The following B3GALT1 variants were observed in gnomAD, a reference collection of about 807,000 sequenced individuals.
The protein encoded by B3GALT1 is UDP-Gal:betaGlcNAc beta 1,3-galactosyltransferase, polypeptide 1.
Under a neutral mutation model 23.2 loss-of-function variants are expected in B3GALT1, and 10 were observed. That is an observed-to-expected ratio of 0.43 (90% CI 0.27 to 0.73). B3GALT1 has a LOEUF of 0.73. Among genes scored for constraint, B3GALT1 ranks in the 30% least tolerant of loss-of-function variants. The pLI is 0.21. For missense variants in B3GALT1, 299 were observed against 405.4 expected (o/e 0.74, Z 2.25); for synonymous variants, 156 against 141.5 (o/e 1.10, Z -0.73).
intron 2 of B3GALT1, among the ~76,000 whole-genome samples, chr2:167,583,182 C>G (rs1019350809): frequency 3.9e-5 from 6 of 152,216 alleles, no homozygotes; most frequent in Non-Finnish European, 8.8e-5. Flanking sequence ...GTCAGACATT[C>G]TACCACCCTA....
At chr2:167,700,349 T>TA (rs1686859546) in intron 3 of B3GALT1, among the ~76,000 whole-genome samples, 1 of 152,218 alleles carries the variant, frequency 6.6e-6, no homozygotes, top group South Asian at 2.1e-4. Flanking sequence ...CTTGATCTGT[T>TA]AGAGTTTTTT....
At chr2:167,490,728 GTGC>G (rs1340327126) in intron 2 of B3GALT1, among the ~76,000 whole-genome samples, 1 of 152,222 alleles carries the variant, frequency 6.6e-6, no homozygotes, top group Non-Finnish European at 1.5e-5. Context: ...TTGGGGAGCT[GTGC>G]TGCTGAGCAA....
intron 1 of B3GALT1, among the ~76,000 whole-genome samples, chr2:167,451,142 C>G (rs1319671668): frequency 6.6e-6 from 1 of 152,058 alleles, no homozygotes; most frequent in Non-Finnish European, 1.5e-5. Context: ...TCACCTTTCT[C>G]TGATCCCTCC....
intron 1 of B3GALT1, among the ~76,000 whole-genome samples, chr2:167,433,775 A>G (rs1408156610): frequency 6.6e-6 from 1 of 152,214 alleles, no homozygotes; most frequent in Non-Finnish European, 1.5e-5. Flanking sequence ...TAAAACACGT[A>G]ATAGGCCAGG....
intron 1 of B3GALT1, among the ~76,000 whole-genome samples, chr2:167,377,142 G>A (rs1697778260): frequency 6.6e-6 from 1 of 152,058 alleles, no homozygotes; most frequent in Admixed American, 6.6e-5. Flanking sequence ...GTAATTTTGT[G>A]GTTTTGAGAT....
At chr2:167,527,042 C>T (rs1683231701) in intron 2 of B3GALT1, among the ~76,000 whole-genome samples, 1 of 152,034 alleles carries the variant, frequency 6.6e-6, no homozygotes, top group African/African-American at 2.4e-5. Context: ...TAATATATTT[C>T]CTTAATATCT....
At chr2:167,430,124 G>A (rs1698686236) in intron 1 of B3GALT1, among the ~76,000 whole-genome samples, 1 of 152,188 alleles carries the variant, frequency 6.6e-6, no homozygotes, top group Admixed American at 6.5e-5. Flanking sequence ...AGTGGTCTCA[G>A]TTTTAAGTAA....
intron 1 of B3GALT1, among the ~76,000 whole-genome samples, chr2:167,435,326 T>C (rs1698765344): frequency 6.6e-6 from 1 of 150,976 alleles, no homozygotes; most frequent in Admixed American, 6.6e-5. Flanking sequence ...AACAGTCAAT[T>C]TTCTGTTCTA....
At chr2:167,576,842 C>G (rs1200817920) in intron 2 of B3GALT1, among the ~76,000 whole-genome samples, 2 of 151,884 alleles carry the variant, frequency 1.3e-5, no homozygotes, top group African/African-American at 4.8e-5. Flanking sequence ...TCACCACATT[C>G]ACCCTGCCTT....
intron 2 of B3GALT1, among the ~76,000 whole-genome samples, chr2:167,546,170 C>T (rs943239230): frequency 6.6e-6 from 1 of 152,138 alleles, no homozygotes; most frequent in South Asian, 2.1e-4. Context: ...ATAAAGAGGG[C>T]ACAGCAGAGG....
intron 4 of B3GALT1, among the ~76,000 whole-genome samples, chr2:167,866,987 C>T (rs62195017): frequency 1.9e-4 from 29 of 151,822 alleles, no homozygotes; most frequent in Non-Finnish European, 3.1e-4. Context: ...AGTGCAGTGG[C>T]GCAATCTCAG....
In B3GALT1 at chr2:167,871,125, T is replaced by G. The variant is rs756858881; in HGVS notation, c.*1105T>G. The G allele has an allele frequency of 5.9e-5, 9 of 152,168 alleles. No homozygotes were observed. Among genetic ancestry groups the G allele is most frequent in the African/African-American group, 7.2e-5 (3 of 41,420 alleles). 9.4% of individuals were successfully genotyped at this position (152,168 alleles called of 1,614,324 possible). ...TGAGGTATTCTGGGGGCTCTGTGATTGAGGAAGGATGGGGAAGGCCAGGTT... is the reference window on the plus strand; with the variant it reads ...TGAGGTATTCTGGGGGCTCTGTGATGGAGGAAGGATGGGGAAGGCCAGGTT... On this transcript the variant is annotated 3_prime_UTR_variant, in exon 5 of 5. Transcript: ENST00000392690.
rs2615316 is a variant in B3GALT1 at position 167,867,218 on chromosome 2, G to A, written c.-229-1593G>A. On this transcript the variant is annotated intron_variant, in intron 4 of 4. Coordinates refer to ENST00000392690, the MANE Select transcript of B3GALT1 (RefSeq NM_020981.4). Reference sequence around the variant, plus strand: ...TGGGATTACAGGCGTGAGCCACCGCGCCCGGCCGAGAAGCTCTTTTTTTCT... The same window carrying A: ...TGGGATTACAGGCGTGAGCCACCGCACCCGGCCGAGAAGCTCTTTTTTTCT... Among the ~76,000 whole-genome samples the A allele has an allele frequency of 6.7e-3, 1,018 of 152,240 alleles. 18 individuals carry two copies. The highest frequency in any genetic ancestry group is 0.063 in the East Asian group (325 of 5,178).
chr2:167,793,446 TA>T (rs1688481405), intron 3 of B3GALT1, among the ~76,000 whole-genome samples: 1 of 152,080 alleles, frequency 6.6e-6, no homozygotes, highest in Non-Finnish European at 1.5e-5. Flanking sequence ...AGGGTACAGA[TA>T]GGAACAAAAT....
chr2:167,407,630 A>G (rs1366432783), intron 1 of B3GALT1, among the ~76,000 whole-genome samples: 1 of 152,114 alleles, frequency 6.6e-6, no homozygotes, highest in Admixed American at 6.5e-5. Flanking sequence ...CAAATAAATA[A>G]AATCAAAAAT....
chr2:167,629,070 T>C (rs1685394116), intron 2 of B3GALT1, among the ~76,000 whole-genome samples: 1 of 151,650 alleles, frequency 6.6e-6, no homozygotes, highest in Admixed American at 6.6e-5. Context: ...CTGAGTTATA[T>C]TGTATAGCCA....
At chr2:167,464,387 G>T (rs900288789) in intron 1 of B3GALT1, among the ~76,000 whole-genome samples, 5 of 152,142 alleles carry the variant, frequency 3.3e-5, no homozygotes, top group African/African-American at 1.2e-4. Flanking sequence ...TGTTTTTCCT[G>T]TAAGAAGTTA....
chr2:167,335,148 C>G (rs1697038267), intron 1 of B3GALT1, among the ~76,000 whole-genome samples: 2 of 151,780 alleles, frequency 1.3e-5, no homozygotes, highest in African/African-American at 4.8e-5. Flanking sequence ...CTCTTTCTGT[C>G]TTAGTTCTTG....
At chr2:167,519,772 A>G (rs746102748) in intron 2 of B3GALT1, among the ~76,000 whole-genome samples, 1 of 152,154 alleles carries the variant, frequency 6.6e-6, no homozygotes, top group Non-Finnish European at 1.5e-5. Flanking sequence ...CCTTTTCTCT[A>G]TACAAGAAAA....
Sources: allele counts gnomAD v4.1 joint callset (sites outside exome capture counted in the v4.1 genomes callset), GRCh38; gene constraint gnomAD v4.1.1; transcripts MANE v1.5; gene names NCBI Gene and HGNC (gene_info 2026-07-23, HGNC 2026-07-21).